The following CNIH3 variants were observed in gnomAD, a reference collection of about 807,000 sequenced individuals.
CNIH3 encodes the protein protein cornichon homolog 3.
Under a neutral mutation model 24.1 loss-of-function variants are expected in CNIH3, and 14 were observed. The observed-to-expected ratio is 0.58, with a 90% CI of 0.38 to 0.91. The LOEUF (loss-of-function observed/expected upper bound fraction) is 0.91, where lower values mean the gene tolerates loss of function less well. Among genes scored for constraint, CNIH3 ranks in the 40% least tolerant of loss-of-function variants. CNIH3 has a pLI of 0.00. For synonymous variants in CNIH3, 68 were observed against 73.8 expected (o/e 0.92, Z 0.40); for missense variants, 178 against 196.8 (o/e 0.90, Z 0.57).
At chr1:224,584,915 C>T (rs960713682) in intron 5 of CNIH3, among the ~76,000 whole-genome samples, 8 of 152,200 alleles carry the variant, frequency 5.3e-5, no homozygotes, top group African/African-American at 1.7e-4. Flanking sequence ...GACACAGCTA[C>T]ATCTGCTGAC....
At chr1:224,723,100 G>GCTGA (rs1415898571) in intron 3 of CNIH3, among the ~76,000 whole-genome samples, 16 of 152,320 alleles carry the variant, frequency 1.1e-4, no homozygotes, top group Admixed American at 3.9e-4. Context: ...TGTCAGTCAG[G>GCTGA]CTGGAAGCTG....
Position 224,684,803 on chromosome 1 carries a change from G to C in CNIH3, c.158G>C (p.Arg53Pro), listed in dbSNP as rs775410636. 1 of 1,614,066 alleles carries C rather than the reference G, an allele frequency of 6.2e-7. No homozygotes were observed. Among genetic ancestry groups the C allele is most frequent in the Admixed American group, 1.7e-5 (1 of 60,026 alleles). Residue 53 changes from arginine (R) to proline (P), a missense_variant, in exon 3 of 6, where the codon CGG becomes CCG. Arg to Pro is a moderately radical substitution (Grantham distance 103, BLOSUM62 -2). Coordinates refer to ENST00000272133, the MANE Select transcript of CNIH3 (RefSeq NM_152495.2). The surrounding 1 kb of genome is among the most constrained non-coding windows in gnomAD (Gnocchi z 4.2). The part of the protein sequence containing the change: ...DQCNPVHARE[R>P]LRNIERICFL... ...TCTTGTGCATCCTGATAGAGGGAAC[G>C]GTTGAGGAACATCGAGCGCATCTGC...
chr1:224,522,064 C>G (rs549837002), intron 2 of CNIH3, among the ~76,000 whole-genome samples: 25 of 152,178 alleles, frequency 1.6e-4, no homozygotes, highest in Non-Finnish European at 3.5e-4. Context: ...CCTGTTCTCC[C>G]TTAGGACTCA....
intron 1 of CNIH3, among the ~76,000 whole-genome samples, chr1:224,449,018 G>A (rs1367987151): frequency 1.4e-5 from 2 of 147,108 alleles, no homozygotes; most frequent in Non-Finnish European, 3.0e-5. Flanking sequence ...AGGCTGGAGT[G>A]CAATGGCATG....
chr1:224,535,640 G>A (rs1475880558), intron 2 of CNIH3, among the ~76,000 whole-genome samples: 1 of 152,212 alleles, frequency 6.6e-6, no homozygotes, highest in Non-Finnish European at 1.5e-5. Context: ...GACCTTGTCT[G>A]GCAGGTTACT....
chr1:224,737,428 C>A (rs1376742088), intron 5 of CNIH3, among the ~76,000 whole-genome samples: 1 of 152,158 alleles, frequency 6.6e-6, no homozygotes, highest in Non-Finnish European at 1.5e-5. Flanking sequence ...TCACTGGGAC[C>A]CTGGGTGGCC....
At chr1:224,510,450 G>T (rs752517238) in intron 1 of CNIH3, among the ~76,000 whole-genome samples, 6 of 151,826 alleles carry the variant, frequency 4.0e-5, no homozygotes, top group Non-Finnish European at 7.4e-5. Context: ...ACAAGGCTGG[G>T]CACATGGCTT....
chr1:224,659,299 G>T (rs1007037947), intron 1 of CNIH3, among the ~76,000 whole-genome samples: 1 of 152,114 alleles, frequency 6.6e-6, no homozygotes, highest in Non-Finnish European at 1.5e-5. Flanking sequence ...AATAGCACAA[G>T]GACTTTAAAA....
At chr1:224,510,050 T>C (rs1261732161) in intron 1 of CNIH3, among the ~76,000 whole-genome samples, 1 of 152,210 alleles carries the variant, frequency 6.6e-6, no homozygotes, top group Non-Finnish European at 1.5e-5. Context: ...CGTGGGCTCC[T>C]AGCAGTGTGG....
chr1:224,524,640 A>T (rs1678773757), intron 2 of CNIH3, among the ~76,000 whole-genome samples: 1 of 152,296 alleles, frequency 6.6e-6, no homozygotes, highest in South Asian at 2.1e-4. Flanking sequence ...TTAGGTAGGG[A>T]TATTACTGAA....
chr1:224,622,914 C>T (rs1683348449), intron 1 of CNIH3, among the ~76,000 whole-genome samples: 1 of 152,208 alleles, frequency 6.6e-6, no homozygotes, highest in Admixed American at 6.5e-5. Context: ...AAACAGGTTC[C>T]TCTGGGGCCT....
At chr1:224,502,194 C>G (rs1372138651) in intron 1 of CNIH3, among the ~76,000 whole-genome samples, 1 of 152,124 alleles carries the variant, frequency 6.6e-6, no homozygotes, top group African/African-American at 2.4e-5. Flanking sequence ...CAGAGGGAAT[C>G]AAGTCACTTT....
chr1:224,533,849 G>A (rs541595633), intron 2 of CNIH3, among the ~76,000 whole-genome samples: 1 of 152,312 alleles, frequency 6.6e-6, no homozygotes, highest in South Asian at 2.1e-4. Flanking sequence ...CAGGTACTGA[G>A]GGTTAAAACT....
chr1:224,599,651 T>C (rs1682129014), intron 3 of CNIH3, among the ~76,000 whole-genome samples: 1 of 152,074 alleles, frequency 6.6e-6, no homozygotes, highest in Non-Finnish European at 1.5e-5. Context: ...AATTGCTTTG[T>C]TTCAAGTGGC....
chr1:224,609,160 T>G (rs1275418065), intron 3 of CNIH3, among the ~76,000 whole-genome samples: 1 of 152,210 alleles, frequency 6.6e-6, no homozygotes, highest in Non-Finnish European at 1.5e-5. Flanking sequence ...GCCTAGCTAC[T>G]GTAACACTGA....
In CNIH3 at chr1:224,654,079, TA is replaced by T. The variant is rs758675940; in HGVS notation, c.82-26864del. ...CTGGACAACAGAGTGAGACCCTGTT[TA>T]AAAAAAAAAAAAAAGATTTGGCTGG... On this transcript the variant is annotated intron_variant, in intron 1 of 5. Coordinates refer to ENST00000272133, the MANE Select transcript of CNIH3 (RefSeq NM_152495.2). Among the ~76,000 whole-genome samples the T allele has an allele frequency of 7.2e-3, 992 of 138,648 alleles. 10 individuals carry two copies. Among genetic ancestry groups the T allele is most frequent in the South Asian group, 0.032 (137 of 4,288 alleles). The allele number at this position is 138,648 out of a possible 152,430, so 91.0% of individuals were successfully genotyped here. A position where few individuals can be genotyped will look rare whatever the true frequency, so the allele number is the denominator to read the frequency against.
At chr1:224,561,010 G>A (rs1335461170) in intron 3 of CNIH3, among the ~76,000 whole-genome samples, 2 of 152,072 alleles carry the variant, frequency 1.3e-5, no homozygotes, top group African/African-American at 4.8e-5. Flanking sequence ...TATGTTTACT[G>A]GCCATTTGCA....
intron 1 of CNIH3, among the ~76,000 whole-genome samples, chr1:224,639,172 A>G (rs555198021): frequency 2.0e-5 from 3 of 152,378 alleles, no homozygotes; most frequent in East Asian, 1.9e-4. Flanking sequence ...AGTACATACT[A>G]TTGACCTTTG....
intron 1 of CNIH3, among the ~76,000 whole-genome samples, chr1:224,676,853 A>G (rs150296920): frequency 2.4e-4 from 37 of 152,276 alleles, no homozygotes; most frequent in African/African-American, 7.9e-4. Context: ...CTGGGAATCT[A>G]TTTATGAATT....
Sources: allele counts gnomAD v4.1 joint callset (sites outside exome capture counted in the v4.1 genomes callset), GRCh38; gene constraint gnomAD v4.1.1; non-coding constraint Gnocchi (gnomAD v3.1); transcripts MANE v1.5; gene names NCBI Gene and HGNC (gene_info 2026-07-23, HGNC 2026-07-21).